The following CNTRL variants were observed in gnomAD, a reference collection of about 807,000 sequenced individuals.
CNTRL encodes the protein 110 kDa centrosomal protein.
A neutral mutation model predicts 303.7 loss-of-function variants in CNTRL; 233 were observed. That is an observed-to-expected ratio of 0.77 (90% confidence interval 0.69 to 0.86). The LOEUF is 0.86. CNTRL is among the 40% of genes least tolerant of loss of function. The pLI is 0.00. For missense variants in CNTRL, 2,524 were observed against 2,650.6 expected (o/e 0.95, Z 1.05); for synonymous variants, 900 against 922.2 (o/e 0.98, Z 0.44).
At chr9:121,165,176 G>C (rs1369918414) in intron 35 of CNTRL, 76 bp downstream of exon 35, 1 of 1,365,714 alleles carries the variant, frequency 7.3e-7, no homozygotes. Flanking sequence ...CTTACGACAA[G>C]TAATTCCTGC....
chr9:121,146,202 T>C lies in CNTRL; in HGVS notation c.3405T>C (p.Asp1135=), dbSNP rs200835252. 2.9e-5 allele frequency: 47 copies of C among 1,613,636 alleles called. No individual in the cohort carries two copies. The South Asian group carries it at 4.5e-4, about 15-fold the overall frequency. ...ATGATTACATAAGCAGCATGGCAGA[T>C]CCTTTCAAAAGACGAGGCTATTGGT... is the stretch of plus-strand genomic sequence containing the variant. The part of the protein sequence containing the change: ...YQNDYISSMA[D]PFKRRGYWYF... Residue 1135 remains aspartate (D), a synonymous_variant, in exon 23 of 44, where the codon GAT becomes GAC. Transcript: ENST00000373855.
rs1034572651 is a variant in CNTRL at position 121,098,734 on chromosome 9, C to T, written c.808+162C>T. 2.0e-4 allele frequency among the ~76,000 whole-genome samples: 31 copies of T among 151,902 alleles called. 1 individual carries two copies. The highest frequency in any genetic ancestry group is 7.0e-4 in the African/African-American group (29 of 41,354). On this transcript the variant is annotated intron_variant, in intron 7 of 43. Transcript: ENST00000373855. Reference sequence around the variant, plus strand: ...AAATATTTACTGAGTGTGTACTGTGCACCAGGCAACTGGATTTGGCACTAA... The same window carrying T: ...AAATATTTACTGAGTGTGTACTGTGTACCAGGCAACTGGATTTGGCACTAA...
chr9:121,109,004 G>A (rs1279656626), intron 8 of CNTRL, among the ~76,000 whole-genome samples: 1 of 152,044 alleles, frequency 6.6e-6, no homozygotes, highest in East Asian at 1.9e-4. Context: ...ATGAAAAAAG[G>A]AATGTTACTG....
In CNTRL at chr9:121,095,024, T is replaced by A; in HGVS notation, c.479+6T>A. The A allele has an allele frequency of 6.3e-7, 1 of 1,589,736 alleles. No individual in the cohort carries two copies. The highest frequency in any genetic ancestry group is 2.3e-5 in the East Asian group (1 of 43,446). On this transcript the variant is annotated splice_donor_region_variant and intron_variant, in intron 5 of 43. Coordinates refer to ENST00000373855, the MANE Select transcript of CNTRL (RefSeq NM_007018.6). ...TTATCATATAACAAAATCAGGTGAG[T>A]TATATAACAAAATCTTTAGGCAGCA...
chr9:121,162,145 G>GAA lies in CNTRL; in HGVS notation c.5298_5299insAA (p.Glu1767LysfsTer3). 6.2e-7 allele frequency: 1 copy of GAA among 1,614,148 alleles called. No individual in the cohort carries two copies. Among genetic ancestry groups the GAA allele is most frequent in the Non-Finnish European group, 8.5e-7 (1 of 1,180,010 alleles). On this transcript the variant is annotated frameshift_variant, in exon 34 of 44. Transcript: ENST00000373855. LOFTEE classifies it high-confidence loss of function. ...AAGCAGCTCCTTGAGAGGGATAAAC[G>GAA]AGAAATAGAACGAATGACTGCTGAG... is the stretch of plus-strand genomic sequence containing the variant.
chr9:121,119,080 ATG>A (rs3047904), intron 12 of CNTRL, among the ~76,000 whole-genome samples: 5,016 of 148,476 alleles, frequency 0.034, 105 homozygotes, highest in African/African-American at 0.048. Context: ...ACATAAATAT[ATG>A]TGTGTGTGTG....
chr9:121,166,947 A>T (rs1341512176), intron 36 of CNTRL, among the ~76,000 whole-genome samples: 1 of 151,082 alleles, frequency 6.6e-6, no homozygotes, highest in Non-Finnish European at 1.5e-5. Flanking sequence ...CTTGAACCCG[A>T]GAGGCGGAGG....
At chr9:121,168,362 A>T (rs2053175193) in intron 38 of CNTRL, 41 bp downstream of exon 38, 1 of 1,562,286 alleles carries the variant, frequency 6.4e-7, no homozygotes, top group East Asian at 2.2e-5. Flanking sequence ...TGGGGTATGG[A>T]TTGGCTCTGC....
chr9:121,168,470 A>G, intron 38 of CNTRL, 149 bp downstream of exon 38: 2 of 644,514 alleles, frequency 3.1e-6, no homozygotes, highest in Non-Finnish European at 5.3e-6. Flanking sequence ...TAGCCCTGTG[A>G]AAGATGAGGA....
intron 1 of CNTRL, among the ~76,000 whole-genome samples, chr9:121,079,768 T>G (rs1319964041): frequency 6.6e-6 from 1 of 152,136 alleles, no homozygotes; most frequent in East Asian, 1.9e-4. Flanking sequence ...AAAGACGGGG[T>G]TTTTATTCCT....
intron 7 of CNTRL, among the ~76,000 whole-genome samples, chr9:121,103,208 C>T (rs548076565): frequency 8.0e-4 from 121 of 152,194 alleles, no homozygotes; most frequent in African/African-American, 2.9e-3. Flanking sequence ...GAGATATAGA[C>T]CAATGGAACA....
chr9:121,173,788 G>A, intron 42 of CNTRL, 51 bp downstream of exon 42: 1 of 1,511,880 alleles, frequency 6.6e-7, no homozygotes, highest in African/African-American at 1.4e-5. Flanking sequence ...GGGCACATTG[G>A]GGAGGGGAGG....
At chr9:121,164,837 CATTT>C (rs1156636745) in intron 34 of CNTRL, 102 bp from the exon 35 acceptor site, 1 of 764,634 alleles carries the variant, frequency 1.3e-6, no homozygotes, top group Non-Finnish European at 1.9e-6. Context: ...GATTTATAAT[CATTT>C]ATACTTTCCA....
At position 121,171,412 on chromosome 9, in the gene CNTRL, A is replaced by T; in HGVS notation, c.6281A>T (p.Gln2094Leu). 6.2e-7 allele frequency: 1 copy of T among 1,613,688 alleles called. No homozygotes were observed. Among genetic ancestry groups the T allele is most frequent in the Non-Finnish European group, 8.5e-7 (1 of 1,179,660 alleles). The change falls in exon 40 of 44, where the codon CAA (glutamine) becomes CTA (leucine). Residue 2094 changes from glutamine to leucine, a missense_variant. Physicochemically the swap from Gln to Leu is moderately radical, Grantham distance 113. Coordinates refer to ENST00000373855, the MANE Select transcript of CNTRL (RefSeq NM_007018.6). ...RSQLEKNLLE[Q>L]KQENSCIQKE... ...ATTTTCTTCCTCCTGTGCTAGGAGC[A>T]AAAACAGGAGAACAGCTGCATACAA...
intron 23 of CNTRL, among the ~76,000 whole-genome samples, chr9:121,147,283 G>A (rs1403730090): frequency 2.0e-5 from 3 of 152,182 alleles, no homozygotes; most frequent in African/African-American, 7.2e-5. Flanking sequence ...GATTACAGGC[G>A]TGAGCCATCA....
intron 3 of CNTRL, among the ~76,000 whole-genome samples, chr9:121,089,838 G>T (rs1304396322): frequency 6.6e-6 from 1 of 152,116 alleles, no homozygotes; most frequent in Non-Finnish European, 1.5e-5. Flanking sequence ...ATTTTTTTTA[G>T]TAAGTGATGA....
chr9:121,161,468 G>C (rs1293474150), intron 32 of CNTRL: 4 of 351,260 alleles, frequency 1.1e-5, no homozygotes, highest in Non-Finnish European at 2.0e-5. Context: ...CAAATGCTTT[G>C]GAACCAGATC....
chr9:121,137,661 T>C (rs759168725), intron 15 of CNTRL, among the ~76,000 whole-genome samples: 1 of 152,218 alleles, frequency 6.6e-6, no homozygotes, highest in Non-Finnish European at 1.5e-5. Context: ...AGAAGTATAG[T>C]TGACAAGATC....
chr9:121,119,398 C>T (rs1348718651), intron 12 of CNTRL, among the ~76,000 whole-genome samples: 2 of 151,266 alleles, frequency 1.3e-5, no homozygotes, highest in Non-Finnish European at 2.9e-5. Flanking sequence ...CAGGTTCAAG[C>T]GATTCTCCTG....
Sources: gnomAD v4.1 joint callset for allele counts (sites outside exome capture counted in the v4.1 genomes callset) on GRCh38, gnomAD v4.1.1 for gene constraint, MANE v1.5 for transcripts, NCBI Gene and HGNC (gene_info 2026-07-23, HGNC 2026-07-21) for gene names.